CCDC192: variants seen among roughly 807,000 people sequenced by gnomAD.
The protein encoded by CCDC192 is coiled-coil domain containing 192, also known as coiled-coil domain-containing protein 192.
chr5:127,726,712 C>T (rs921790384), intron 2 of CCDC192, among the ~76,000 whole-genome samples: 2 of 152,176 alleles, frequency 1.3e-5, no homozygotes, highest in African/African-American at 4.8e-5. Flanking sequence ...GTCAGGGCCT[C>T]CTTGTGGGAA....
At chr5:127,893,111 T>C (rs570157227) in intron 6 of CCDC192, among the ~76,000 whole-genome samples, 1 of 152,292 alleles carries the variant, frequency 6.6e-6, no homozygotes, top group African/African-American at 2.4e-5. Context: ...CAAGCAGACC[T>C]TAGCGATAAT....
intron 6 of CCDC192, among the ~76,000 whole-genome samples, chr5:127,898,929 T>G (rs1352643518): frequency 6.6e-6 from 1 of 152,040 alleles, no homozygotes; most frequent in Non-Finnish European, 1.5e-5. Flanking sequence ...TGAACAAGGG[T>G]CCCTAACCTC....
At chr5:127,866,648 G>A (rs762934480) in intron 5 of CCDC192, among the ~76,000 whole-genome samples, 12 of 151,848 alleles carry the variant, frequency 7.9e-5, no homozygotes, top group Middle Eastern at 3.4e-3. Context: ...ATTAATATCA[G>A]TAACATTATT....
At chr5:127,740,051 C>T (rs1224170220) in intron 2 of CCDC192, 1 of 152,244 alleles carries the variant, frequency 6.6e-6, no homozygotes. Context: ...GGAAGGAGCT[C>T]CTGGCTTTTA....
At chr5:127,901,469 T>G (rs951907024) in intron 6 of CCDC192, among the ~76,000 whole-genome samples, 1 of 152,126 alleles carries the variant, frequency 6.6e-6, no homozygotes, top group Non-Finnish European at 1.5e-5. Flanking sequence ...TTAGACTGGT[T>G]TAGAGAAGTA....
At chr5:127,847,404 A>G (rs1289755351) in intron 5 of CCDC192, among the ~76,000 whole-genome samples, 1 of 152,194 alleles carries the variant, frequency 6.6e-6, no homozygotes, top group Non-Finnish European at 1.5e-5. Flanking sequence ...TTAAAGACCA[A>G]TCTACTTTCA....
At chr5:127,753,688 GA>G (rs71575707) in intron 2 of CCDC192, among the ~76,000 whole-genome samples, 45,020 of 124,266 alleles carry the variant, frequency 0.36, 7,547 homozygotes, top group Middle Eastern at 0.47. Context: ...ACTCTGCCTG[GA>G]AAAAAAAAAA....
chr5:127,891,835 T>C (rs1267584881), intron 6 of CCDC192, among the ~76,000 whole-genome samples: 1 of 152,240 alleles, frequency 6.6e-6, no homozygotes, highest in Non-Finnish European at 1.5e-5. Context: ...ATCTAGATGA[T>C]GGTATTCAAC....
chr5:127,937,990 A>G (rs999649300), intron 6 of CCDC192, among the ~76,000 whole-genome samples: 2 of 152,168 alleles, frequency 1.3e-5, no homozygotes, highest in Admixed American at 6.5e-5. Context: ...TGAGGTTCCA[A>G]TGCACCCCCC....
rs577431436 is a variant in CCDC192, at chr5:127,792,812, GGA to G, written c.223-4290_223-4289del. On this transcript the variant is annotated intron_variant, in intron 3 of 6. Transcript: ENST00000514853. The stretch of plus-strand genomic sequence containing the variant: ...AAGAAGAAGAAGGAGGAGGAGAAGA[GGA>G]AGAAGAAGAAGAAGGAGGAGGAGGA... 5.4e-5 allele frequency among the ~76,000 whole-genome samples: 8 copies of G among 147,776 alleles called. No individual in the cohort carries two copies. In the South Asian group the frequency reaches 1.7e-3, roughly 32 times the overall value.
intron 5 of CCDC192, among the ~76,000 whole-genome samples, chr5:127,874,981 A>G (rs774891919): frequency 6.6e-6 from 1 of 152,166 alleles, no homozygotes; most frequent in African/African-American, 2.4e-5. Context: ...TACTGCTTAA[A>G]AACCATTCTT....
chr5:127,716,866 G>A (rs529883574), intron 2 of CCDC192, among the ~76,000 whole-genome samples: 39 of 152,188 alleles, frequency 2.6e-4, no homozygotes, highest in Non-Finnish European at 4.9e-4. Flanking sequence ...AGCCTCTGTT[G>A]TATTTTTCCT....
intron 5 of CCDC192, among the ~76,000 whole-genome samples, chr5:127,831,292 C>G (rs903059975): frequency 1.3e-5 from 2 of 150,814 alleles, no homozygotes; most frequent in African/African-American, 5.0e-5. Flanking sequence ...CATTTAAAAT[C>G]AAGTCTGTAA....
intron 2 of CCDC192, among the ~76,000 whole-genome samples, chr5:127,731,814 T>C (rs1407827814): frequency 6.6e-6 from 1 of 152,036 alleles, no homozygotes; most frequent in Non-Finnish European, 1.5e-5. Flanking sequence ...ATGCAGAAAA[T>C]TGAAACTGGT....
At chr5:127,791,452 G>A (rs1470867375) in intron 3 of CCDC192, among the ~76,000 whole-genome samples, 1 of 152,192 alleles carries the variant, frequency 6.6e-6, no homozygotes, top group East Asian at 1.9e-4. Context: ...AACTGGTCCT[G>A]TCACAAAAAT....
At chr5:127,786,660 C>T (rs1201889639) in intron 3 of CCDC192, 18 of 760,890 alleles carry the variant, frequency 2.4e-5, no homozygotes, top group Non-Finnish European at 4.2e-5. Context: ...CAGCACTTTG[C>T]TTGAAAATCA....
chr5:127,720,788 A>T (rs570640730), intron 2 of CCDC192, among the ~76,000 whole-genome samples: 1 of 152,336 alleles, frequency 6.6e-6, no homozygotes, highest in East Asian at 1.9e-4. Context: ...ACCACATGGA[A>T]GCCTCCAAGG....
intron 5 of CCDC192, among the ~76,000 whole-genome samples, chr5:127,807,357 G>A (rs2126992068): frequency 6.6e-6 from 1 of 152,194 alleles, no homozygotes; most frequent in South Asian, 2.1e-4. Context: ...ATCCTGTCAT[G>A]TCCTGTCAGG....
chr5:127,763,646 C>G (rs1755053617), intron 3 of CCDC192, among the ~76,000 whole-genome samples: 1 of 152,160 alleles, frequency 6.6e-6, no homozygotes, highest in Admixed American at 6.5e-5. Context: ...CGACCACCTG[C>G]TTGTTTCTCC....
Sources: allele counts gnomAD v4.1 joint callset (sites outside exome capture counted in the v4.1 genomes callset), GRCh38; gene constraint gnomAD v4.1.1; transcripts MANE v1.5; gene names NCBI Gene and HGNC (gene_info 2026-07-23, HGNC 2026-07-21).